EBF2: variants seen among roughly 807,000 people sequenced by gnomAD.
The protein encoded by EBF2 is transcription factor COE2.
In EBF2, 21 loss-of-function variants were observed where a neutral mutation model predicts 72.8. That is an observed-to-expected ratio of 0.29 (90% CI 0.20 to 0.42). The LOEUF is 0.42. Among genes scored for constraint, EBF2 ranks in the 10% least tolerant of loss-of-function variants. EBF2 has a pLI of 1.00. For missense variants in EBF2, 637 were observed against 731.2 expected (o/e 0.87, Z 1.49); for synonymous variants, 299 against 274.2 (o/e 1.09, Z -0.89).
chr8:25,857,687 C>G (rs1031334203), intron 14 of EBF2, among the ~76,000 whole-genome samples: 1 of 152,130 alleles, frequency 6.6e-6, no homozygotes, highest in Non-Finnish European at 1.5e-5. Context: ...TGCTGCTAGA[C>G]CACAGATTAA....
intron 7 of EBF2, among the ~76,000 whole-genome samples, chr8:25,895,735 C>T (rs1802854981): frequency 6.6e-6 from 1 of 152,214 alleles, no homozygotes; most frequent in Non-Finnish European, 1.5e-5. Flanking sequence ...TGGGGGTCAC[C>T]CTTCAGGTGG....
At position 25,983,938 on chromosome 8, in the gene EBF2, CCCAA is replaced by C. The variant is rs199851200; in HGVS notation, c.551+49143_551+49146del. ...CAAAATAACTGTTCAATGACTGCTT[CCCAA>C]AAAATTACAACTAAGCATTTCTTTA... On this transcript the variant is annotated intron_variant, in intron 6 of 15. Coordinates refer to ENST00000520164, the MANE Select transcript of EBF2 (RefSeq NM_022659.4). 1.4e-3 allele frequency among the ~76,000 whole-genome samples: 209 copies of C among 152,340 alleles called. 1 individual carries two copies. The East Asian group carries it at 0.014, about 11-fold the overall frequency.
chr8:26,011,260 G>A (rs188956451), intron 6 of EBF2, among the ~76,000 whole-genome samples: 2 of 152,280 alleles, frequency 1.3e-5, no homozygotes, highest in East Asian at 3.9e-4. Context: ...TACATGATAC[G>A]ATTTCTTATT....
At chr8:25,918,565 T>C (rs1803262507) in intron 6 of EBF2, among the ~76,000 whole-genome samples, 1 of 152,240 alleles carries the variant, frequency 6.6e-6, no homozygotes, top group Non-Finnish European at 1.5e-5. Flanking sequence ...AGCACAGATT[T>C]TTTTTTAATT....
chr8:26,008,840 CAAAAAAAAA>C (rs61069458), intron 6 of EBF2, among the ~76,000 whole-genome samples: 1 of 114,598 alleles, frequency 8.7e-6, no homozygotes, highest in African/African-American at 3.2e-5. Context: ...ATCAACCTCT[CAAAAAAAAA>C]AAAAAAAAAA....
chr8:25,907,419 C>CAAAAAAAAAAAAAAAAAAAAAAAAAAAAA (rs55695734), intron 7 of EBF2, among the ~76,000 whole-genome samples: 1 of 28,874 alleles, frequency 3.5e-5, no homozygotes, highest in African/African-American at 1.1e-4. Context: ...GACCCTGCCT[C>CAAAAAAAAAAAAAAAAAAAAAAAAAAAAA]AAAAAAAAAA....
intron 6 of EBF2, among the ~76,000 whole-genome samples, chr8:25,958,345 A>ATT (rs1803981468): frequency 6.6e-6 from 1 of 152,162 alleles, no homozygotes; most frequent in African/African-American, 2.4e-5. Flanking sequence ...AGGGAGAATA[A>ATT]TTTTTAAAGT....
intron 6 of EBF2, among the ~76,000 whole-genome samples, chr8:26,009,548 G>C (rs1358563297): frequency 1.3e-5 from 2 of 152,178 alleles, no homozygotes; most frequent in African/African-American, 4.8e-5. Flanking sequence ...GCTGCAAAAC[G>C]TGGGCAACTT....
At chr8:25,871,870 T>C (rs2117274126) in intron 10 of EBF2, among the ~76,000 whole-genome samples, 1 of 152,102 alleles carries the variant, frequency 6.6e-6, no homozygotes, top group East Asian at 1.9e-4. Flanking sequence ...TTGGACCCAA[T>C]AAATAAATAT....
At chr8:25,988,732 C>A (rs1365901485) in intron 6 of EBF2, among the ~76,000 whole-genome samples, 1 of 152,190 alleles carries the variant, frequency 6.6e-6, no homozygotes, top group African/African-American at 2.4e-5. Flanking sequence ...AATGCTTTAT[C>A]AGATACCATC....
intron 6 of EBF2, among the ~76,000 whole-genome samples, chr8:25,918,050 C>CA (rs1484379594): frequency 6.6e-6 from 1 of 152,158 alleles, no homozygotes; most frequent in Non-Finnish European, 1.5e-5. Flanking sequence ...ACCAGTGAGA[C>CA]AAAAAGAAAC....
At chr8:25,918,708 C>G (rs1585195185) in intron 6 of EBF2, among the ~76,000 whole-genome samples, 1 of 152,020 alleles carries the variant, frequency 6.6e-6, no homozygotes, top group Admixed American at 6.5e-5. Context: ...GTGGAAGATA[C>G]AGAAGTCAGT....
chr8:26,023,859 G>A (rs758165834), intron 6 of EBF2, among the ~76,000 whole-genome samples: 7 of 152,080 alleles, frequency 4.6e-5, no homozygotes, highest in Non-Finnish European at 1.0e-4. Context: ...AGAGTATCTG[G>A]CAGGGAAAAA....
chr8:25,925,665 G>A (rs927277033), intron 6 of EBF2, among the ~76,000 whole-genome samples: 19 of 152,090 alleles, frequency 1.2e-4, no homozygotes, highest in African/African-American at 4.6e-4. Context: ...ATCACTCTTT[G>A]GGGCCTCATC....
At chr8:26,002,899 C>CA (rs1804761502) in intron 6 of EBF2, among the ~76,000 whole-genome samples, 1 of 8,768 alleles carries the variant, frequency 1.1e-4, no homozygotes, top group Non-Finnish European at 2.1e-4. Flanking sequence ...GGCAGGCAGG[C>CA]GGGCAGGCGG....
At chr8:25,939,347 G>T (rs542195629) in intron 6 of EBF2, among the ~76,000 whole-genome samples, 1 of 152,130 alleles carries the variant, frequency 6.6e-6, no homozygotes, top group South Asian at 2.1e-4. Flanking sequence ...GCTTTTCCTA[G>T]AGTTTCCTGA....
intron 6 of EBF2, among the ~76,000 whole-genome samples, chr8:25,918,651 C>A (rs1585195154): frequency 6.6e-6 from 1 of 151,966 alleles, no homozygotes; most frequent in Non-Finnish European, 1.5e-5. Flanking sequence ...CTGGAAAGAA[C>A]ATGTGTGAAA....
chr8:25,985,497 T>C (rs779366819), intron 6 of EBF2, among the ~76,000 whole-genome samples: 29 of 152,144 alleles, frequency 1.9e-4, no homozygotes, highest in Non-Finnish European at 4.3e-4. Flanking sequence ...AAAAACCCTA[T>C]AGTGCTGCCA....
chr8:25,950,769 T>C (rs1004032428), intron 6 of EBF2, among the ~76,000 whole-genome samples: 2 of 152,166 alleles, frequency 1.3e-5, no homozygotes, highest in African/African-American at 4.8e-5. Context: ...CATCTTTTCA[T>C]CCCTTGGTGC....
Sources: gnomAD v4.1 joint callset for allele counts (sites outside exome capture counted in the v4.1 genomes callset) on GRCh38, gnomAD v4.1.1 for gene constraint, MANE v1.5 for transcripts, NCBI Gene and HGNC (gene_info 2026-07-23, HGNC 2026-07-21) for gene names.